STAB2: variants seen among roughly 807,000 people sequenced by gnomAD.
STAB2 encodes the protein stabilin-2.
In STAB2, 288 loss-of-function variants were observed where a neutral mutation model predicts 338.1. The observed-to-expected ratio is 0.85, with a 90% CI of 0.77 to 0.94. STAB2 has a LOEUF of 0.94. Ranked by LOEUF, STAB2 falls within the 40% of genes least tolerant of loss-of-function variation. The pLI, the probability that STAB2 is intolerant of heterozygous loss-of-function variation, is 0.00. For synonymous variants in STAB2, 1,202 were observed against 1,193.3 expected, an observed-to-expected ratio of 1.01 and a Z score of -0.15; for missense variants, 3,141 against 3,210.1, an observed-to-expected ratio of 0.98 and a Z score of 0.52.
chr12:103,681,513 C>G (rs1183051158), intron 25 of STAB2, among the ~76,000 whole-genome samples: 3 of 151,646 alleles, frequency 2.0e-5, no homozygotes, highest in African/African-American at 7.3e-5. Flanking sequence ...GCTGAAAATC[C>G]TTGGTGTTTC....
intron 1 of STAB2, among the ~76,000 whole-genome samples, chr12:103,590,690 C>A (rs1259008562): frequency 6.6e-6 from 1 of 152,160 alleles, no homozygotes; most frequent in Non-Finnish European, 1.5e-5. Context: ...CACCTACAGC[C>A]ATGGCAGACA....
At chr12:103,760,291 C>T (rs756999544) in intron 65 of STAB2, among the ~76,000 whole-genome samples, 23 of 152,262 alleles carry the variant, frequency 1.5e-4, no homozygotes, top group Non-Finnish European at 2.6e-4. Context: ...GACAGTCTCT[C>T]GCTCTGTCAC....
chr12:103,689,693 G>T (rs1877754932), intron 28 of STAB2, among the ~76,000 whole-genome samples, 153 bp from the exon 29 acceptor site: 1 of 152,278 alleles, frequency 6.6e-6, no homozygotes, highest in Middle Eastern at 3.4e-3. Flanking sequence ...GGGAAAATGA[G>T]GCAACAGCCA....
At chr12:103,765,908 A>G (rs1280519246) in intron 68 of STAB2, 2 of 357,768 alleles carry the variant, frequency 5.6e-6, no homozygotes, top group Non-Finnish European at 1.1e-5. Flanking sequence ...TGAATTTTCA[A>G]ACCGAAAGGA....
intron 3 of STAB2, among the ~76,000 whole-genome samples, chr12:103,604,159 CTTTA>C (rs1247834639): frequency 6.6e-6 from 1 of 152,012 alleles, no homozygotes; most frequent in African/African-American, 2.4e-5. Flanking sequence ...GAATAGACAA[CTTTA>C]TTTATTTATT....
chr12:103,593,591 C>A (rs1253828440), intron 2 of STAB2, among the ~76,000 whole-genome samples: 1 of 152,232 alleles, frequency 6.6e-6, no homozygotes, highest in Non-Finnish European at 1.5e-5. Flanking sequence ...CTATCCCCAA[C>A]TTGACTGTTC....
chr12:103,620,413 C>A, intron 3 of STAB2, 55 bp from the exon 4 acceptor site: 1 of 1,472,390 alleles, frequency 6.8e-7, no homozygotes, highest in Admixed American at 2.0e-5. Context: ...CGCATCCTTG[C>A]AGAATGCTTG....
chr12:103,760,956 G>A (rs114204210), intron 65 of STAB2, among the ~76,000 whole-genome samples: 2,015 of 152,096 alleles, frequency 0.013, 47 homozygotes, highest in African/African-American at 0.045. Context: ...TAACAGTGTG[G>A]TGCGATGTTC....
At chr12:103,656,044 G>A (rs1258411328) in intron 15 of STAB2, among the ~76,000 whole-genome samples, 1 of 152,098 alleles carries the variant, frequency 6.6e-6, no homozygotes, top group Non-Finnish European at 1.5e-5. Context: ...CCTTTCTATT[G>A]CTTTCATCTT....
chr12:103,737,574 TTCTCTCTCTCTC>T, intron 52 of STAB2, 48 bp from the exon 53 acceptor site: 7 of 1,015,900 alleles, frequency 6.9e-6, no homozygotes, highest in East Asian at 3.3e-5. Context: ...GATTGACTGT[TTCTCTCTCTCTC>T]TCTCTCTCTC....
chr12:103,763,585 G>A lies in STAB2; in HGVS notation c.7582G>A (p.Glu2528Lys), dbSNP rs1303695071. 2.5e-6 allele frequency: 4 copies of A among 1,613,950 alleles called. No individual in the cohort carries two copies. Among genetic ancestry groups the A allele is most frequent in the Non-Finnish European group, 3.4e-6 (4 of 1,179,984 alleles). Residue 2528 changes from glutamate (E) to lysine (K), a missense_variant, in exon 68 of 69, where the codon GAA (glutamate) becomes AAA (lysine). By Grantham distance (56) the Glu-to-Lys change is moderately conservative (BLOSUM62 1). Transcript: ENST00000388887. The part of the protein sequence containing the change: ...LYESTTSAPP[E>K]PSYDPFTDSE... ...TGAGAGCACAACCTCAGCTCCCCCA[G>A]AACCTTCCTACGACCCCTTCACGGT...
intron 48 of STAB2, 43 bp downstream of exon 48, chr12:103,729,038 G>A (rs758940127): frequency 7.5e-6 from 12 of 1,600,844 alleles, no homozygotes; most frequent in African/African-American, 1.3e-5. Flanking sequence ...CCTAGATCAT[G>A]TCCTTTGCAG....
intron 3 of STAB2, among the ~76,000 whole-genome samples, chr12:103,601,003 G>A (rs1256097633): frequency 6.6e-6 from 1 of 152,208 alleles, no homozygotes; most frequent in Non-Finnish European, 1.5e-5. Flanking sequence ...TTAAATGAAT[G>A]TAAAATCTAT....
At chr12:103,685,124 C>T (rs778666077) in intron 27 of STAB2, 40 bp downstream of exon 27, 1 of 1,567,686 alleles carries the variant, frequency 6.4e-7, no homozygotes, top group African/African-American at 1.4e-5. Context: ...TAGACAAAAC[C>T]CTTTAAAAAC....
At chr12:103,630,401 T>C (rs772129437) in intron 5 of STAB2, among the ~76,000 whole-genome samples, 5 of 152,220 alleles carry the variant, frequency 3.3e-5, no homozygotes, top group Admixed American at 6.5e-5. Flanking sequence ...TTATGTTTCA[T>C]TTGAGCTAAC....
At position 103,750,576 on chromosome 12, in the gene STAB2, C is replaced by T. The variant is rs764252627; in HGVS notation, c.6439-3C>T. 5.6e-6 allele frequency: 9 copies of T among 1,613,908 alleles called. No individual in the cohort carries two copies. In the East Asian group the frequency reaches 2.0e-4, roughly 36 times the overall value. On this transcript the variant is annotated splice_region_variant and splice_polypyrimidine_tract_variant and intron_variant, in intron 59 of 68. Coordinates refer to ENST00000388887, the MANE Select transcript of STAB2 (RefSeq NM_017564.10). ...TTCATCTCTTCCCACTCTCCCTCCA[C>T]AGGGCAAGCACAAGTGTGAGTGTAA...
intron 21 of STAB2, among the ~76,000 whole-genome samples, chr12:103,670,269 G>A (rs994602592): frequency 6.6e-6 from 1 of 152,146 alleles, no homozygotes; most frequent in Non-Finnish European, 1.5e-5. Flanking sequence ...ATGTCAATCA[G>A]CACACATATG....
intron 4 of STAB2, among the ~76,000 whole-genome samples, chr12:103,621,020 C>G (rs1957292797): frequency 6.6e-6 from 1 of 152,056 alleles, no homozygotes; most frequent in African/African-American, 2.4e-5. Context: ...TTGCTTGAAC[C>G]CAGGAGGCAG....
At chr12:103,658,436 C>A (rs942279154) in intron 15 of STAB2, among the ~76,000 whole-genome samples, 1 of 152,130 alleles carries the variant, frequency 6.6e-6, no homozygotes, top group African/African-American at 2.4e-5. Context: ...CACACAGTAA[C>A]GGGAGTGATG....
Sources: gnomAD v4.1 joint callset for allele counts (sites outside exome capture counted in the v4.1 genomes callset) on GRCh38, gnomAD v4.1.1 for gene constraint, MANE v1.5 for transcripts, NCBI Gene and HGNC (gene_info 2026-07-23, HGNC 2026-07-21) for gene names.